Variants in NRG3 observed in about 807,000 individuals in gnomAD.
The protein encoded by NRG3 is pro-neuregulin-3, membrane-bound isoform.
Under a neutral mutation model 66.9 loss-of-function variants are expected in NRG3, and 31 were observed. The observed-to-expected ratio is 0.46, with a 90% CI of 0.35 to 0.63. NRG3 has a LOEUF of 0.63. Ranked by LOEUF, NRG3 falls within the 20% of genes least tolerant of loss-of-function variation. The probability of loss-of-function intolerance (pLI) is 0.00; values close to 1 mark genes in which losing one functional copy is unlikely to be tolerated. For missense variants in NRG3, 910 were observed against 878.9 expected (o/e 1.04, Z -0.45); for synonymous variants, 393 against 359.4 (o/e 1.09, Z -1.06).
intron 1 of NRG3, among the ~76,000 whole-genome samples, chr10:82,342,312 A>T (rs1299254718): frequency 6.6e-6 from 1 of 152,066 alleles, no homozygotes; most frequent in Non-Finnish European, 1.5e-5. Flanking sequence ...ATCAAATGGT[A>T]GTTCTATTTT....
At chr10:82,486,311 C>T (rs917886859) in intron 2 of NRG3, among the ~76,000 whole-genome samples, 37 of 152,140 alleles carry the variant, frequency 2.4e-4, no homozygotes, top group Non-Finnish European at 1.5e-4. Flanking sequence ...GATATTTGTA[C>T]TCCCATATTC....
At chr10:82,967,171 G>T (rs1282731846) in intron 6 of NRG3, among the ~76,000 whole-genome samples, 1 of 147,926 alleles carries the variant, frequency 6.8e-6, no homozygotes, top group East Asian at 2.0e-4. Context: ...TTAAATAATA[G>T]ATATATTAAA....
At chr10:82,772,907 G>A (rs2059771309) in intron 3 of NRG3, among the ~76,000 whole-genome samples, 1 of 151,768 alleles carries the variant, frequency 6.6e-6, no homozygotes, top group Non-Finnish European at 1.5e-5. Flanking sequence ...ATCTCCCTAT[G>A]TTGCTCAGGA....
intron 1 of NRG3, among the ~76,000 whole-genome samples, chr10:82,210,900 T>C (rs1319761356): frequency 6.6e-6 from 1 of 151,110 alleles, no homozygotes; most frequent in Non-Finnish European, 1.5e-5. Context: ...GAAGTAAGCA[T>C]TTGCATTTCA....
chr10:82,014,886 T>C (rs1173828003), intron 1 of NRG3, among the ~76,000 whole-genome samples: 1 of 152,070 alleles, frequency 6.6e-6, no homozygotes, highest in African/African-American at 2.4e-5. Context: ...AAAGACTAAA[T>C]TGGCCAGCAA....
chr10:82,814,230 T>C (rs965659007), intron 3 of NRG3, among the ~76,000 whole-genome samples: 3 of 152,258 alleles, frequency 2.0e-5, no homozygotes, highest in African/African-American at 4.8e-5. Flanking sequence ...CATTGACCAC[T>C]ATTTGTATAC....
chr10:82,322,690 A>G (rs915208959), intron 1 of NRG3, among the ~76,000 whole-genome samples: 4 of 152,212 alleles, frequency 2.6e-5, no homozygotes, highest in African/African-American at 9.7e-5. Context: ...AATCTTTGAG[A>G]ATCTTTATGT....
intron 4 of NRG3, among the ~76,000 whole-genome samples, chr10:82,930,233 G>T (rs1847431575): frequency 6.6e-6 from 1 of 152,126 alleles, no homozygotes; most frequent in Non-Finnish European, 1.5e-5. Context: ...TTTATTCACA[G>T]TTTCCCCTTG....
intron 3 of NRG3, among the ~76,000 whole-genome samples, chr10:82,789,921 A>G (rs1271995807): frequency 1.3e-5 from 2 of 152,098 alleles, no homozygotes; most frequent in African/African-American, 4.8e-5. Context: ...GGAATTCAAT[A>G]AACATTTTTA....
intron 4 of NRG3, among the ~76,000 whole-genome samples, chr10:82,941,355 G>A (rs979258232): frequency 3.3e-5 from 5 of 151,942 alleles, no homozygotes; most frequent in African/African-American, 7.3e-5. Flanking sequence ...CATTTATAAG[G>A]CCATTGAACT....
chr10:82,001,658 AT>A (rs2061172604), intron 1 of NRG3, among the ~76,000 whole-genome samples: 1 of 152,202 alleles, frequency 6.6e-6, no homozygotes, highest in African/African-American at 2.4e-5. Context: ...AAGCTAATGA[AT>A]TGTTAGTCTT....
chr10:81,887,485 T>G (rs1200715249), intron 1 of NRG3, among the ~76,000 whole-genome samples: 1 of 152,142 alleles, frequency 6.6e-6, no homozygotes, highest in Admixed American at 6.5e-5. Context: ...AAAGGCTAAT[T>G]GACAGTGCTG....
intron 3 of NRG3, among the ~76,000 whole-genome samples, chr10:82,836,033 T>C (rs1048379835): frequency 2.3e-4 from 35 of 152,296 alleles, no homozygotes; most frequent in African/African-American, 8.4e-4. Context: ...AAGCTAAGAA[T>C]GGTCTTCACA....
chr10:82,683,955 G>T (rs1414412147), intron 2 of NRG3, among the ~76,000 whole-genome samples: 1 of 152,176 alleles, frequency 6.6e-6, no homozygotes, highest in Admixed American at 6.5e-5. Context: ...CTATTTGCCT[G>T]CATGCTACTG....
chr10:82,793,677 G>T (rs2060682290), intron 3 of NRG3, among the ~76,000 whole-genome samples: 1 of 152,156 alleles, frequency 6.6e-6, no homozygotes, highest in Non-Finnish European at 1.5e-5. Context: ...AATGTCTGTT[G>T]TGGGTCCTGT....
intron 4 of NRG3, among the ~76,000 whole-genome samples, chr10:82,873,685 A>G (rs1841545642): frequency 6.6e-6 from 1 of 152,164 alleles, no homozygotes; most frequent in South Asian, 2.1e-4. Context: ...CCAGGCATCA[A>G]AGATGTTTAT....
chr10:82,750,209 C>T (rs2058808227), intron 3 of NRG3, among the ~76,000 whole-genome samples: 1 of 152,092 alleles, frequency 6.6e-6, no homozygotes, highest in Admixed American at 6.5e-5. Flanking sequence ...AGTGCTGTAC[C>T]AAGTAACACG....
At chr10:82,748,757 C>T (rs1714058167) in intron 3 of NRG3, among the ~76,000 whole-genome samples, 2 of 150,608 alleles carry the variant, frequency 1.3e-5, no homozygotes, top group African/African-American at 4.9e-5. Context: ...TCAATTCCCA[C>T]TTTAATGTGT....
chr10:82,851,481 C>A (rs1359628921), intron 3 of NRG3, among the ~76,000 whole-genome samples: 1 of 152,146 alleles, frequency 6.6e-6, no homozygotes, highest in African/African-American at 2.4e-5. Flanking sequence ...CCATTTGTTA[C>A]CTTCACCTAG....
Sources: allele counts gnomAD v4.1 joint callset (sites outside exome capture counted in the v4.1 genomes callset), GRCh38; gene constraint gnomAD v4.1.1; transcripts MANE v1.5; gene names NCBI Gene and HGNC (gene_info 2026-07-23, HGNC 2026-07-21).